The following GPC5 variants were observed in gnomAD, a reference collection of about 807,000 sequenced individuals.
GPC5 encodes glypican 5.
GPC5 carries 47 observed loss-of-function variants against 53.9 expected under a neutral mutation model. That is an observed-to-expected ratio of 0.87 (90% CI 0.69 to 1.11). The LOEUF is 1.11. GPC5 is among the 50% of genes most tolerant of loss of function. The pLI, the probability that GPC5 is intolerant of heterozygous loss-of-function variation, is 0.00. For missense variants in GPC5, 748 were observed against 713.1 expected, an observed-to-expected ratio of 1.05 and a Z score of -0.56; for synonymous variants, 286 against 263.3, an observed-to-expected ratio of 1.09 and a Z score of -0.84.
At chr13:92,072,844 T>G (rs989528101) in intron 6 of GPC5, among the ~76,000 whole-genome samples, 2 of 152,178 alleles carry the variant, frequency 1.3e-5, no homozygotes, top group African/African-American at 4.8e-5. Flanking sequence ...GTGCTGGGAT[T>G]ACAGGCATGA....
chr13:92,428,119 C>T (rs1876917509), intron 7 of GPC5, among the ~76,000 whole-genome samples: 1 of 152,038 alleles, frequency 6.6e-6, no homozygotes. Context: ...GATATAAATA[C>T]ATAGAAATGA....
chr13:92,598,224 T>A (rs1264893065), intron 7 of GPC5, among the ~76,000 whole-genome samples: 1 of 152,208 alleles, frequency 6.6e-6, no homozygotes, highest in East Asian at 1.9e-4. Flanking sequence ...AGGAGCTGTA[T>A]TTATAATTAT....
intron 1 of GPC5, among the ~76,000 whole-genome samples, chr13:91,435,418 A>G (rs368410915): frequency 2.6e-5 from 4 of 152,130 alleles, no homozygotes; most frequent in African/African-American, 9.6e-5. Context: ...TTTGTCAAAG[A>G]CCTTTTCTGC....
chr13:91,591,300 G>T (rs1312192347), intron 2 of GPC5, among the ~76,000 whole-genome samples: 1 of 152,178 alleles, frequency 6.6e-6, no homozygotes, highest in Non-Finnish European at 1.5e-5. Flanking sequence ...TCTGCTGAGA[G>T]GTCTGCTGCT....
intron 6 of GPC5, among the ~76,000 whole-genome samples, chr13:92,105,525 A>T (rs184671692): frequency 1.6e-3 from 236 of 152,128 alleles, no homozygotes; most frequent in Non-Finnish European, 2.5e-3. Context: ...CACTCTCTTA[A>T]ATATTTTAGA....
chr13:92,304,456 G>A (rs977997228), intron 7 of GPC5, among the ~76,000 whole-genome samples: 1 of 151,826 alleles, frequency 6.6e-6, no homozygotes, highest in Non-Finnish European at 1.5e-5. Flanking sequence ...CGCCTGCCTC[G>A]GCATCCCAAA....
chr13:92,547,360 C>A (rs1315653090), intron 7 of GPC5, among the ~76,000 whole-genome samples: 2 of 152,056 alleles, frequency 1.3e-5, no homozygotes, highest in African/African-American at 2.4e-5. Flanking sequence ...CTGTGAATAA[C>A]ATTTCTCCAA....
chr13:92,096,257 G>C (rs1042031882), intron 6 of GPC5, among the ~76,000 whole-genome samples: 1 of 152,188 alleles, frequency 6.6e-6, no homozygotes, highest in African/African-American at 2.4e-5. Flanking sequence ...CTCCCCCTTA[G>C]GGTTTTCCTA....
Position 91,645,888 on chromosome 13 carries a change from A to G in GPC5, c.326-47299A>G, listed in dbSNP as rs376256376. The stretch of plus-strand genomic sequence containing the variant: ...TCTGACAAGTCCTCTGGTAACATTA[A>G]TGGTGTTCTTCTGACACACTTTGGA... On this transcript the variant is annotated intron_variant, in intron 2 of 7. Coordinates refer to ENST00000377067, the MANE Select transcript of GPC5 (RefSeq NM_004466.6). Among the ~76,000 whole-genome samples the G allele has an allele frequency of 1.1e-3, 165 of 152,314 alleles. 4 individuals carry two copies. In the South Asian group the frequency reaches 0.033, roughly 30 times the overall value.
At chr13:92,201,303 T>G (rs1305791238) in intron 7 of GPC5, among the ~76,000 whole-genome samples, 1 of 152,186 alleles carries the variant, frequency 6.6e-6, no homozygotes, top group Non-Finnish European at 1.5e-5. Context: ...GTTACAACAG[T>G]GACACTTGGT....
intron 7 of GPC5, among the ~76,000 whole-genome samples, chr13:92,234,201 G>A (rs1300830557): frequency 1.3e-5 from 2 of 152,082 alleles, no homozygotes; most frequent in Non-Finnish European, 2.9e-5. Flanking sequence ...GACAAATGGT[G>A]TTTCTAGTTC....
intron 7 of GPC5, among the ~76,000 whole-genome samples, chr13:92,297,093 T>G (rs2148522): frequency 0.48 from 72,916 of 152,150 alleles, 19,485 homozygotes; most frequent in African/African-American, 0.74. Flanking sequence ...CTGCAGCCCC[T>G]GTGCGGGATC....
intron 3 of GPC5, among the ~76,000 whole-genome samples, chr13:91,704,254 TG>T (rs202240816): frequency 0.075 from 11,426 of 152,282 alleles, 586 homozygotes; most frequent in East Asian, 0.32. Context: ...TGCCCTTCTT[TG>T]TCTCTTTTTA....
chr13:92,656,569 G>C (rs1886144398), intron 7 of GPC5, among the ~76,000 whole-genome samples: 1 of 152,136 alleles, frequency 6.6e-6, no homozygotes, highest in African/African-American at 2.4e-5. Context: ...TTACATTCAA[G>C]TTATTTATAT....
chr13:91,761,028 C>T (rs1040370857), intron 5 of GPC5, among the ~76,000 whole-genome samples: 10 of 152,154 alleles, frequency 6.6e-5, no homozygotes, highest in African/African-American at 2.4e-4. Flanking sequence ...CCTGTCTCTT[C>T]ATTACAAAAC....
chr13:92,618,459 A>G (rs568652900), intron 7 of GPC5, among the ~76,000 whole-genome samples: 5 of 152,164 alleles, frequency 3.3e-5, no homozygotes, highest in Admixed American at 2.0e-4. Context: ...CCTAATACTA[A>G]TGATGGGCAA....
intron 7 of GPC5, among the ~76,000 whole-genome samples, chr13:92,633,971 C>T (rs1885338141): frequency 6.6e-6 from 1 of 152,000 alleles, no homozygotes; most frequent in African/African-American, 2.4e-5. Flanking sequence ...TTATTAAACT[C>T]ATTGAAATTA....
At chr13:91,757,200 G>A (rs1438696029) in intron 5 of GPC5, among the ~76,000 whole-genome samples, 1 of 151,946 alleles carries the variant, frequency 6.6e-6, no homozygotes, top group African/African-American at 2.4e-5. Context: ...TGCCAATACT[G>A]GTGGTTATTA....
rs114196275 is a variant in GPC5, at chr13:92,574,744, G to C, written c.1562-291538G>C. 4.0e-3 allele frequency among the ~76,000 whole-genome samples: 603 copies of C among 152,272 alleles called. 7 individuals carry two copies. Among genetic ancestry groups the C allele is most frequent in the African/African-American group, 0.014 (586 of 41,562 alleles). On this transcript the variant is annotated intron_variant, in intron 7 of 7. Coordinates refer to ENST00000377067, the MANE Select transcript of GPC5 (RefSeq NM_004466.6). ...GTCAAGACAACTTTGAGGTGAGCAGGAGAGCAGCTGAGATTGCCCTAAAAT... is the reference window on the plus strand; with the variant it reads ...GTCAAGACAACTTTGAGGTGAGCAGCAGAGCAGCTGAGATTGCCCTAAAAT...
Sources: gnomAD v4.1 joint callset for allele counts (sites outside exome capture counted in the v4.1 genomes callset) on GRCh38, gnomAD v4.1.1 for gene constraint, MANE v1.5 for transcripts, NCBI Gene and HGNC (gene_info 2026-07-23, HGNC 2026-07-21) for gene names.